Variants in HSPA12A observed in about 807,000 individuals in gnomAD.
HSPA12A encodes the protein heat shock 70 kDa protein 12A.
In HSPA12A, 28 loss-of-function variants were observed where a neutral mutation model predicts 69.2. The observed-to-expected ratio is 0.40, with a 90% CI of 0.30 to 0.55. HSPA12A has a LOEUF of 0.55. HSPA12A is among the 20% of genes least tolerant of loss of function. HSPA12A has a pLI of 0.38. For synonymous variants in HSPA12A, 345 were observed against 370.5 expected (o/e 0.93, Z 0.79); for missense variants, 686 against 900.7 (o/e 0.76, Z 3.05).
intron 1 of HSPA12A, among the ~76,000 whole-genome samples, chr10:116,847,343 A>G (rs1416651507): frequency 6.6e-6 from 1 of 151,986 alleles, no homozygotes; most frequent in African/African-American, 2.4e-5. Context: ...CACATATACT[A>G]TTTTCTGCCT....
At chr10:116,699,268 G>T (rs1242968519) in intron 4 of HSPA12A, among the ~76,000 whole-genome samples, 1 of 152,136 alleles carries the variant, frequency 6.6e-6, no homozygotes, top group East Asian at 1.9e-4. Flanking sequence ...TATCTAATCC[G>T]CCAGGAGCCC....
intron 2 of HSPA12A, among the ~76,000 whole-genome samples, chr10:116,828,576 C>T (rs1170628729): frequency 6.6e-6 from 1 of 152,162 alleles, no homozygotes; most frequent in Non-Finnish European, 1.5e-5. Flanking sequence ...CTTGCAGAAC[C>T]CCAAAGGGAG....
intron 1 of HSPA12A, among the ~76,000 whole-genome samples, chr10:116,735,193 A>G (rs1554886341): frequency 6.6e-6 from 1 of 152,250 alleles, no homozygotes; most frequent in Non-Finnish European, 1.5e-5. Flanking sequence ...CGTCTTAAGA[A>G]GTGAGATCTA....
chr10:116,788,934 C>T (rs1844639849), intron 2 of HSPA12A, among the ~76,000 whole-genome samples: 1 of 149,272 alleles, frequency 6.7e-6, no homozygotes, highest in Admixed American at 6.8e-5. Context: ...GGCAAGATCT[C>T]AGCTCACTGC....
chr10:116,784,488 G>A (rs1844533482), intron 2 of HSPA12A, among the ~76,000 whole-genome samples: 1 of 152,248 alleles, frequency 6.6e-6, no homozygotes, highest in African/African-American at 2.4e-5. Context: ...GTTCATTTCA[G>A]TAAGCCTAGC....
intron 2 of HSPA12A, among the ~76,000 whole-genome samples, chr10:116,758,685 T>C (rs370325546): frequency 7.2e-5 from 11 of 152,038 alleles, no homozygotes; most frequent in African/African-American, 2.7e-4. Flanking sequence ...AGAGAGGAAG[T>C]GAGATAAAAA....
chr10:116,748,110 C>G (rs1052093504), intron 2 of HSPA12A, among the ~76,000 whole-genome samples: 8 of 152,232 alleles, frequency 5.3e-5, no homozygotes, highest in Non-Finnish European at 1.0e-4. Flanking sequence ...AACTCAGCCC[C>G]CTGACTCCCA....
chr10:116,758,797 A>G (rs1021889174), intron 2 of HSPA12A, among the ~76,000 whole-genome samples: 12 of 152,360 alleles, frequency 7.9e-5, no homozygotes, highest in African/African-American at 2.9e-4. Context: ...AGAGAAACTG[A>G]ATTTAAAACC....
In HSPA12A at chr10:116,713,083, T is replaced by TAA. The variant is rs55995835; in HGVS notation, c.41-5800_41-5799dup. ...AACGATTGCCTAAAATCAGGCTATT[T>TAA]AAAAAAAAAAAACCTCTCTCTCTTT... On this transcript the variant is annotated intron_variant, in intron 1 of 11. Transcript: ENST00000369209. 3.7e-3 allele frequency among the ~76,000 whole-genome samples: 505 copies of TAA among 136,152 alleles called. 4 individuals are homozygous for TAA. The highest frequency in any genetic ancestry group is 0.026 in the Middle Eastern group (7 of 266). 89.3% of individuals were successfully genotyped at this position (136,152 alleles called of 152,430 possible). A position where few individuals can be genotyped will look rare whatever the true frequency, so the allele number is the denominator to read the frequency against.
Position 116,686,815 on chromosome 10 carries a change from AC to A in HSPA12A, c.664-2854del, listed in dbSNP as rs1159708589. Among the ~76,000 whole-genome samples, 38 of 104,206 alleles carry A rather than the reference AC, an allele frequency of 3.6e-4. No individual in the cohort carries two copies. The highest frequency in any genetic ancestry group is 1.3e-3 in the African/African-American group (35 of 26,190). 68.4% of individuals were successfully genotyped at this position (104,206 alleles called of 152,430 possible). The stretch of plus-strand genomic sequence containing the variant: ...TCCCTCTTCCCACACCATAAGCTCC[AC>A]CCCCACCCCTTCCCAAACCATAAGC... On this transcript the variant is annotated intron_variant, in intron 6 of 11. Coordinates refer to ENST00000369209, the MANE Select transcript of HSPA12A (RefSeq NM_025015.3). The surrounding 1 kb of genome is among the most constrained non-coding windows in gnomAD (Gnocchi z 4.1).
rs781915475 is a variant in HSPA12A, at chr10:116,675,244, C to G, written c.1565G>C (p.Gly522Ala). ...CACCTTGATGACCGCGGGGTCCAGG[C>G]CAAAGAGGACGGCACCCTTGAGGAT... is the stretch of plus-strand genomic sequence containing the variant. ...LTILKGAVLF[G>A]LDPAVIKVRR... The change falls in exon 12 of 12, where the codon GGC (glycine) becomes GCC (alanine). Residue 522 changes from glycine (G) to alanine (A), a missense_variant. Transcript: ENST00000369209. This position sits in a 1 kb window ranked among gnomAD's most constrained non-coding sequence, Gnocchi z 5.2. The G allele has an allele frequency of 1.2e-6, 2 of 1,613,696 alleles. No individual in the cohort carries two copies. The highest frequency in any genetic ancestry group is 1.7e-6 in the Non-Finnish European group (2 of 1,180,034).
chr10:116,677,851 T>C (rs1849283762), intron 10 of HSPA12A, among the ~76,000 whole-genome samples: 1 of 152,202 alleles, frequency 6.6e-6, no homozygotes, highest in African/African-American at 2.4e-5. Flanking sequence ...TGGGTGTCAA[T>C]AAGGATAGAA....
chr10:116,744,528 G>A (rs1305303196), upstream of HSPA12A, among the ~76,000 whole-genome samples: 1 of 152,252 alleles, frequency 6.6e-6, no homozygotes, highest in African/African-American at 2.4e-5. Context: ...AGTGACATGA[G>A]GGTGCGTGAG....
At chr10:116,696,985 C>T (rs1554880936) in intron 5 of HSPA12A, among the ~76,000 whole-genome samples, 1 of 152,108 alleles carries the variant, frequency 6.6e-6, no homozygotes, top group Non-Finnish European at 1.5e-5. Context: ...CTGCCTCCCC[C>T]AGCACCCACA....
intron 2 of HSPA12A, among the ~76,000 whole-genome samples, chr10:116,781,568 G>A (rs1844464689): frequency 6.6e-6 from 1 of 152,198 alleles, no homozygotes; most frequent in Non-Finnish European, 1.5e-5. Flanking sequence ...GCCAAGGGCA[G>A]CCTCTGCCAC....
At chr10:116,765,553 A>G (rs2133107712) in intron 2 of HSPA12A, among the ~76,000 whole-genome samples, 1 of 152,348 alleles carries the variant, frequency 6.6e-6, no homozygotes, top group South Asian at 2.1e-4. Flanking sequence ...ATTAAAAATA[A>G]AAGATATTTA....
chr10:116,794,259 G>A (rs1422565318), intron 2 of HSPA12A, among the ~76,000 whole-genome samples: 1 of 151,884 alleles, frequency 6.6e-6, no homozygotes, highest in Non-Finnish European at 1.5e-5. Flanking sequence ...AAATGCTCCT[G>A]GTAAAAGATA....
At chr10:116,763,105 T>C (rs1844007372) in intron 2 of HSPA12A, among the ~76,000 whole-genome samples, 2 of 152,116 alleles carry the variant, frequency 1.3e-5, no homozygotes, top group Non-Finnish European at 1.5e-5. Context: ...TCCAGACACA[T>C]GGTAAATGCA....
At chr10:116,758,631 T>C (rs1267128234) in intron 2 of HSPA12A, among the ~76,000 whole-genome samples, 2 of 152,146 alleles carry the variant, frequency 1.3e-5, no homozygotes, top group African/African-American at 4.8e-5. Flanking sequence ...TTTGTGTGCA[T>C]GTGTATACAT....
Sources: allele counts gnomAD v4.1 joint callset (sites outside exome capture counted in the v4.1 genomes callset), GRCh38; gene constraint gnomAD v4.1.1; non-coding constraint Gnocchi (gnomAD v3.1); transcripts MANE v1.5; gene names NCBI Gene and HGNC (gene_info 2026-07-23, HGNC 2026-07-21).